DLG2: variants seen among roughly 807,000 people sequenced by gnomAD.
DLG2 encodes discs large MAGUK scaffold protein 2, also known as disks large homolog 2.
A neutral mutation model predicts 132.5 loss-of-function variants in DLG2; 45 were observed. The ratio of observed to expected loss-of-function variants is 0.34; its 90% CI spans 0.27 to 0.44. The LOEUF is 0.44. DLG2 is among the 20% of genes least tolerant of loss of function. The pLI is 1.00. For missense variants in DLG2, 1,045 were observed against 1,196.9 expected (o/e 0.87, Z 1.87); for synonymous variants, 424 against 419.6 (o/e 1.01, Z -0.13).
At chr11:83,805,194 T>C (rs1170333977) in intron 17 of DLG2, among the ~76,000 whole-genome samples, 5 of 152,158 alleles carry the variant, frequency 3.3e-5, no homozygotes, top group African/African-American at 9.6e-5. Context: ...CATGTAAATA[T>C]CCTTTTTCCA....
chr11:85,423,504 C>G (rs959838287), intron 3 of DLG2, among the ~76,000 whole-genome samples: 1 of 152,074 alleles, frequency 6.6e-6, no homozygotes, highest in Non-Finnish European at 1.5e-5. Flanking sequence ...GGAATATATG[C>G]CCTTTGTCTT....
intron 18 of DLG2, among the ~76,000 whole-genome samples, chr11:83,699,614 G>T (rs1245460075): frequency 1.3e-5 from 2 of 151,264 alleles, no homozygotes; most frequent in Admixed American, 1.3e-4. Flanking sequence ...GGAGGCTGAG[G>T]CAGGAGAATG....
chr11:84,758,236 G>A (rs577385926), intron 6 of DLG2, among the ~76,000 whole-genome samples: 1 of 152,286 alleles, frequency 6.6e-6, no homozygotes, highest in East Asian at 1.9e-4. Flanking sequence ...TGGAGCCATG[G>A]AAAACAACCA....
At chr11:84,590,539 T>C (rs2099540298) in intron 6 of DLG2, among the ~76,000 whole-genome samples, 1 of 152,162 alleles carries the variant, frequency 6.6e-6, no homozygotes, top group African/African-American at 2.4e-5. Flanking sequence ...GTAAATTACA[T>C]CTTGTAAATA....
At chr11:84,431,207 C>CAT (rs2098983651) in intron 7 of DLG2, among the ~76,000 whole-genome samples, 1 of 152,074 alleles carries the variant, frequency 6.6e-6, no homozygotes, top group Non-Finnish European at 1.5e-5. Flanking sequence ...TTACACATAA[C>CAT]ATATATATAC....
intron 18 of DLG2, among the ~76,000 whole-genome samples, chr11:83,783,576 T>C (rs1357618331): frequency 6.6e-6 from 1 of 152,176 alleles, no homozygotes; most frequent in African/African-American, 2.4e-5. Flanking sequence ...TGAGGAATGG[T>C]AGGCTTTTAT....
At chr11:83,978,522 A>T (rs1405517485) in intron 12 of DLG2, among the ~76,000 whole-genome samples, 1 of 152,162 alleles carries the variant, frequency 6.6e-6, no homozygotes, top group African/African-American at 2.4e-5. Context: ...GTTGTCCAGA[A>T]GATAGAACAA....
chr11:83,999,120 C>T (rs139513028), intron 11 of DLG2, among the ~76,000 whole-genome samples: 1 of 152,142 alleles, frequency 6.6e-6, no homozygotes, highest in Non-Finnish European at 1.5e-5. Flanking sequence ...CTGCTGGTGG[C>T]CTGGGAATCA....
intron 7 of DLG2, among the ~76,000 whole-genome samples, chr11:84,492,394 C>T (rs1479735068): frequency 1.3e-5 from 2 of 152,198 alleles, no homozygotes; most frequent in South Asian, 2.1e-4. Context: ...TTAGAATGCA[C>T]AGGCTTTTGT....
intron 6 of DLG2, among the ~76,000 whole-genome samples, chr11:85,087,844 CAAAAAAA>C (rs71465019): frequency 0.019 from 424 of 22,036 alleles, 5 homozygotes; most frequent in African/African-American, 0.045. Flanking sequence ...GACTCCGTCT[CAAAAAAA>C]AAAAAAAAAA....
At chr11:85,525,242 A>T (rs761218568) in intron 3 of DLG2, among the ~76,000 whole-genome samples, 2 of 152,212 alleles carry the variant, frequency 1.3e-5, no homozygotes, top group Non-Finnish European at 1.5e-5. Context: ...TTAGTAAGAA[A>T]ATATTTGCAA....
intron 14 of DLG2, among the ~76,000 whole-genome samples, chr11:83,952,725 TC>T (rs2085778986): frequency 6.6e-6 from 1 of 151,972 alleles, no homozygotes; most frequent in Non-Finnish European, 1.5e-5. Context: ...CATAGTATGG[TC>T]CAAATTACAT....
chr11:83,570,520 T>C (rs2096780320), intron 19 of DLG2, among the ~76,000 whole-genome samples: 1 of 152,142 alleles, frequency 6.6e-6, no homozygotes, highest in African/African-American at 2.4e-5. Flanking sequence ...ATTTCCTTTA[T>C]CATTTTATTC....
intron 7 of DLG2, among the ~76,000 whole-genome samples, chr11:84,405,153 T>C (rs564046409): frequency 2.6e-5 from 4 of 152,266 alleles, no homozygotes; most frequent in East Asian, 3.9e-4. Flanking sequence ...AAAGAAACAA[T>C]TGTTTCAATA....
intron 6 of DLG2, among the ~76,000 whole-genome samples, chr11:84,666,608 A>G (rs1273455012): frequency 6.6e-6 from 1 of 152,118 alleles, no homozygotes; most frequent in African/African-American, 2.4e-5. Context: ...ATATCAAAAA[A>G]GTACTCACCA....
At chr11:84,072,265 A>G (rs1402253045) in intron 10 of DLG2, among the ~76,000 whole-genome samples, 1 of 152,166 alleles carries the variant, frequency 6.6e-6, no homozygotes, top group Admixed American at 6.5e-5. Context: ...GTCTCTTGCT[A>G]TATAAGTAGT....
intron 15 of DLG2, among the ~76,000 whole-genome samples, chr11:83,914,663 C>T (rs12278969): frequency 0.16 from 24,754 of 152,110 alleles, 2,431 homozygotes; most frequent in Non-Finnish European, 0.23. Context: ...AGAGGCTACA[C>T]GGCTAGTGAG....
chr11:85,152,777 T>G (rs1487679991), intron 5 of DLG2, among the ~76,000 whole-genome samples: 1 of 152,216 alleles, frequency 6.6e-6, no homozygotes, highest in Non-Finnish European at 1.5e-5. Flanking sequence ...CTGATATGTG[T>G]CCTACAGTCA....
chr11:83,803,066 G>A (rs558244047), intron 17 of DLG2, among the ~76,000 whole-genome samples: 50 of 152,134 alleles, frequency 3.3e-4, no homozygotes, highest in Non-Finnish European at 6.6e-4. Context: ...AAGGCAAAAG[G>A]GGTTATGTAG....
Sources: gnomAD v4.1 joint callset for allele counts (sites outside exome capture counted in the v4.1 genomes callset) on GRCh38, gnomAD v4.1.1 for gene constraint, MANE v1.5 for transcripts, NCBI Gene and HGNC (gene_info 2026-07-23, HGNC 2026-07-21) for gene names.